The following HIP1 variants were observed in gnomAD, a reference collection of about 807,000 sequenced individuals.
HIP1 encodes the protein huntingtin-interacting protein 1.
A neutral mutation model predicts 147.6 loss-of-function variants in HIP1; 65 were observed. The observed-to-expected ratio is 0.44, with a 90% CI of 0.36 to 0.54. HIP1 has a LOEUF of 0.54. Among genes scored for constraint, HIP1 ranks in the 20% least tolerant of loss-of-function variants. The pLI is 0.00. For missense variants in HIP1, 1,061 were observed against 1,299.6 expected, an observed-to-expected ratio of 0.82 and a Z score of 2.82; for synonymous variants, 479 against 504.0, an observed-to-expected ratio of 0.95 and a Z score of 0.67.
At chr7:75,610,180 G>A (rs1013312849) in intron 1 of HIP1, among the ~76,000 whole-genome samples, 3 of 150,286 alleles carry the variant, frequency 2.0e-5, no homozygotes, top group Non-Finnish European at 4.4e-5. Context: ...TGGGATTACA[G>A]GCATGAGCCA....
At chr7:75,692,416 T>C (rs146341747) in intron 1 of HIP1, among the ~76,000 whole-genome samples, 1,674 of 126,272 alleles carry the variant, frequency 0.013, 20 homozygotes, top group Non-Finnish European at 0.019. Flanking sequence ...CACACTGCCA[T>C]ACCTGGCTAA....
rs1412238730 is a variant in HIP1, at chr7:75,677,150, G to A, written c.120+61651C>T. Among the ~76,000 whole-genome samples the A allele has an allele frequency of 4.6e-5, 7 of 151,904 alleles. No homozygotes were observed. In the South Asian group the frequency reaches 6.2e-4, roughly 13 times the overall value. On this transcript the variant is annotated intron_variant, in intron 1 of 30. Transcript: ENST00000336926. Reference sequence around the variant, plus strand: ...ACGGAGGTTGCAGTGGGCCGAGATCGTGCCATTGCACTCCAGTCTGGGGGA... The same window carrying A: ...ACGGAGGTTGCAGTGGGCCGAGATCATGCCATTGCACTCCAGTCTGGGGGA...
intron 1 of HIP1, among the ~76,000 whole-genome samples, chr7:75,706,143 C>T (rs182605645): frequency 5.2e-4 from 79 of 152,216 alleles, no homozygotes; most frequent in Non-Finnish European, 9.6e-4. Context: ...GATCCGCTCA[C>T]CTCGCCCTCC....
At chr7:75,584,509 G>A (rs1389226827) in intron 5 of HIP1, among the ~76,000 whole-genome samples, 1 of 152,080 alleles carries the variant, frequency 6.6e-6, no homozygotes, top group Non-Finnish European at 1.5e-5. Context: ...CAGTGAGCTC[G>A]AGAGCCTCTG....
chr7:75,676,084 TC>T (rs1336538456), intron 1 of HIP1, among the ~76,000 whole-genome samples: 1 of 152,120 alleles, frequency 6.6e-6, no homozygotes, highest in East Asian at 1.9e-4. Context: ...CAGATTCTGC[TC>T]CCCCCTCTGT....
chr7:75,625,269 G>GT (rs1797996673), intron 1 of HIP1: 1 of 152,152 alleles, frequency 6.6e-6, no homozygotes, highest in Non-Finnish European at 1.5e-5. Context: ...AAACTCCTGG[G>GT]TAGGTGTATT....
Position 75,539,361 on chromosome 7 carries a change from T to A in HIP1, c.3023A>T (p.His1008Leu), listed in dbSNP as rs1554489417. Residue 1008 changes from histidine to leucine, a missense_variant, in exon 30 of 31, where the codon CAC becomes CTC. By Grantham distance (99) the His-to-Leu change is moderately conservative (BLOSUM62 -3). Around this residue, in one of 3 missense-constraint regions of HIP1, gnomAD observed 810 missense variants for 946.8 expected, o/e 0.86. Coordinates refer to ENST00000336926, the MANE Select transcript of HIP1 (RefSeq NM_005338.7). Reference sequence around the variant, plus strand: ...CTCAGCAACACCAGCAAGCTCGTAGTGCTTTTTCCGAAGCTCTCCCAGTTT... The same window carrying A: ...CTCAGCAACACCAGCAAGCTCGTAGAGCTTTTTCCGAAGCTCTCCCAGTTT... ...RQKLGELRKKHYELAGVAEGW... is the reference protein window; with the variant it reads ...RQKLGELRKKLYELAGVAEGW... 6.2e-7 allele frequency: 1 copy of A among 1,614,206 alleles called. No homozygotes were observed. The highest frequency in any genetic ancestry group is 1.1e-5 in the South Asian group (1 of 91,086).
intron 1 of HIP1, among the ~76,000 whole-genome samples, chr7:75,664,032 A>ATATATACACATATATGTGTATG (rs1799430163): frequency 7.1e-5 from 1 of 14,142 alleles, no homozygotes; most frequent in Non-Finnish European, 1.1e-4. Flanking sequence ...ATATGTGTAT[A>ATATATACACATATATGTGTATG]TATATACACA....
At chr7:75,608,372 T>C (rs1563241615) in intron 1 of HIP1, among the ~76,000 whole-genome samples, 2 of 152,196 alleles carry the variant, frequency 1.3e-5, no homozygotes, top group African/African-American at 4.8e-5. Context: ...AGCAAGATTT[T>C]GATACGGTTG....
At chr7:75,682,357 A>G (rs1800115886) in intron 1 of HIP1, among the ~76,000 whole-genome samples, 1 of 151,630 alleles carries the variant, frequency 6.6e-6, no homozygotes, top group Admixed American at 6.6e-5. Flanking sequence ...CCTGGGCTCA[A>G]GCGATCCTCC....
rs370051663 is a variant in HIP1, at chr7:75,669,136, C to T, written c.120+69665G>A. Among the ~76,000 whole-genome samples the T allele has an allele frequency of 1.6e-4, 24 of 151,826 alleles. No individual in the cohort carries two copies. The East Asian group carries it at 3.7e-3, about 23-fold the overall frequency. On this transcript the variant is annotated intron_variant, in intron 1 of 30. Transcript: ENST00000336926. ...ATCCCAGCACTTTGGGAGGCCGAGG[C>T]GGGTGGATCACGAGGTCAGGAGATC...
intron 1 of HIP1, among the ~76,000 whole-genome samples, chr7:75,675,052 G>A (rs1440307227): frequency 6.6e-6 from 1 of 151,864 alleles, no homozygotes; most frequent in South Asian, 2.1e-4. Flanking sequence ...CTTCCACAGG[G>A]ACTCCTATTA....
chr7:75,586,293 C>T (rs587611823), intron 5 of HIP1, among the ~76,000 whole-genome samples: 1 of 150,686 alleles, frequency 6.6e-6, no homozygotes, highest in Admixed American at 6.6e-5. Context: ...GCCTCCTGGT[C>T]TCAGGTTCAA....
intron 5 of HIP1, among the ~76,000 whole-genome samples, chr7:75,583,256 T>C (rs1382124437): frequency 6.6e-6 from 1 of 152,106 alleles, no homozygotes; most frequent in Non-Finnish European, 1.5e-5. Context: ...CCTGCCTTTC[T>C]ACCACACTGC....
Position 75,539,427 on chromosome 7 carries a change from C to T in HIP1, c.2957G>A (p.Arg986Lys). The change falls in exon 30 of 31, where the codon AGG (arginine) becomes AAG (lysine). Residue 986 changes from arginine (R) to lysine (K), a missense_variant. Around this residue, in one of 3 missense-constraint regions of HIP1, gnomAD observed 810 missense variants for 946.8 expected, o/e 0.86. Transcript: ENST00000336926. ...IKRQEMDSQV[R>K]VLELENELQK... Reference sequence around the variant, plus strand: ...CAATTCATTTTCTAGCTCTAGCACCCTAACCTGTAAGGGAAATTAAGTGGG... The same window carrying T: ...CAATTCATTTTCTAGCTCTAGCACCTTAACCTGTAAGGGAAATTAAGTGGG... 6.2e-7 allele frequency: 1 copy of T among 1,612,766 alleles called. No individual in the cohort carries two copies. Among genetic ancestry groups the T allele is most frequent in the Non-Finnish European group, 8.5e-7 (1 of 1,178,752 alleles).
chr7:75,661,698 G>A (rs901750750), intron 1 of HIP1, among the ~76,000 whole-genome samples: 3 of 152,026 alleles, frequency 2.0e-5, no homozygotes, highest in African/African-American at 7.2e-5. Context: ...AGGGAATGGG[G>A]AGCAAAAGGT....
intron 1 of HIP1, among the ~76,000 whole-genome samples, chr7:75,736,779 G>A (rs539587302): frequency 6.6e-5 from 10 of 151,676 alleles, no homozygotes; most frequent in African/African-American, 2.4e-4. Flanking sequence ...AGGATAACCA[G>A]GTAGAGAAGA....
chr7:75,585,331 T>C (rs1311623707), intron 5 of HIP1, among the ~76,000 whole-genome samples: 2 of 151,064 alleles, frequency 1.3e-5, no homozygotes. Context: ...ACTACAGACG[T>C]GAGCTAATTT....
At chr7:75,658,048 ACAC>A in intron 1 of HIP1, among the ~76,000 whole-genome samples, 1 of 152,188 alleles carries the variant, frequency 6.6e-6, no homozygotes, top group South Asian at 2.1e-4. Context: ...AACAAACTCT[ACAC>A]CCTGGGACAC....
Sources: gnomAD v4.1 joint callset for allele counts (sites outside exome capture counted in the v4.1 genomes callset) on GRCh38, gnomAD v4.1.1 for gene constraint, gnomAD v4.1.1 regional missense constraint, MANE v1.5 for transcripts, NCBI Gene and HGNC (gene_info 2026-07-23, HGNC 2026-07-21) for gene names.